AAK1: variants seen among roughly 807,000 people sequenced by gnomAD.
AAK1 encodes the protein AP2 associated kinase 1.
In AAK1, 37 loss-of-function variants were observed where a neutral mutation model predicts 116.0. The observed-to-expected ratio is 0.32, with a 90% CI of 0.25 to 0.42. The LOEUF (loss-of-function observed/expected upper bound fraction) is 0.42. AAK1 is among the 10% of genes least tolerant of loss of function. The pLI, the probability that AAK1 is intolerant of heterozygous loss-of-function variation, is 1.00. For missense variants in AAK1, 919 were observed against 1,170.6 expected (o/e 0.79, Z 3.14); for synonymous variants, 458 against 439.9 (o/e 1.04, Z -0.51).
intron 18 of AAK1, 47 bp from the exon 19 acceptor site, chr2:69,481,008 G>A (rs1266421881): frequency 7.0e-7 from 1 of 1,420,784 alleles, no homozygotes; most frequent in East Asian, 2.5e-5. Flanking sequence ...GGGAAAGGGA[G>A]TCAGAAGTTT....
At chr2:69,589,656 C>A (rs555422055) in intron 2 of AAK1, among the ~76,000 whole-genome samples, 2 of 149,788 alleles carry the variant, frequency 1.3e-5, no homozygotes, top group African/African-American at 4.9e-5. Context: ...TTGCAGTGAG[C>A]CGAGATCGCG....
At chr2:69,489,673 G>T (rs1435372009) in intron 17 of AAK1, among the ~76,000 whole-genome samples, 1 of 152,122 alleles carries the variant, frequency 6.6e-6, no homozygotes. Context: ...GAGTTGGGGT[G>T]TAAGCCCTGA....
chr2:69,505,620 G>C lies in AAK1; in HGVS notation c.2218C>G (p.Gln740Glu). ...GCAAAAGCATCACCTTGGGTTGATTGAAAGCCTGGGATCAAACTCTCAGCT... is the reference window on the plus strand; with the variant it reads ...GCAAAAGCATCACCTTGGGTTGATTCAAAGCCTGGGATCAAACTCTCAGCT... The part of the protein sequence containing the change: ...GSAESLIPGF[Q>E]STQGDAFATT... The change falls in exon 16 of 22, where the codon CAA (glutamine) becomes GAA (glutamate). Residue 740 changes from glutamine (Q) to glutamate (E), a missense_variant. Physicochemically the swap from Gln to Glu is conservative, Grantham distance 29. Around this residue, in one of 4 missense-constraint regions of AAK1, gnomAD observed 263 missense variants for 285.5 expected, o/e 0.92. Transcript: ENST00000409085. 6.2e-7 allele frequency: 1 copy of C among 1,613,782 alleles called. No homozygotes were observed. Among genetic ancestry groups the C allele is most frequent in the African/African-American group, 1.3e-5 (1 of 75,020 alleles).
chr2:69,633,420 G>A (rs183606268), intron 2 of AAK1, among the ~76,000 whole-genome samples: 1 of 151,668 alleles, frequency 6.6e-6, no homozygotes, highest in East Asian at 2.0e-4. Context: ...GGTCAACATG[G>A]TGAAACCCCA....
intron 16 of AAK1, among the ~76,000 whole-genome samples, chr2:69,501,646 G>A (rs967225244): frequency 6.6e-5 from 10 of 152,140 alleles, no homozygotes; most frequent in Non-Finnish European, 1.5e-4. Flanking sequence ...ATGTTACTAT[G>A]TGTTCCTCTT....
intron 5 of AAK1, among the ~76,000 whole-genome samples, chr2:69,535,426 A>C (rs78891445): frequency 0.02 from 2,990 of 152,318 alleles, 51 homozygotes; most frequent in Non-Finnish European, 0.033. Context: ...TCTAGGCTCT[A>C]GGGATAAGGC....
rs1572871125 is a variant in AAK1 at position 69,470,563 on chromosome 2, G to A, written c.*5306C>T. 1.0e-6 allele frequency: 1 copy of A among 985,264 alleles called. No individual in the cohort carries two copies. Among genetic ancestry groups the A allele is most frequent in the East Asian group, 1.1e-4 (1 of 8,824 alleles). 61.0% of individuals were successfully genotyped at this position (985,264 alleles called of 1,614,324 possible). The stretch of plus-strand genomic sequence containing the variant: ...ATTAAATGAGTGAGTTTTCTCACTG[G>A]GGATAAAATTATTCTTGCCAACACA... On this transcript the variant is annotated 3_prime_UTR_variant, in exon 22 of 22. Coordinates refer to ENST00000409085, the MANE Select transcript of AAK1 (RefSeq NM_014911.5).
intron 2 of AAK1, among the ~76,000 whole-genome samples, chr2:69,614,697 T>C (rs1674245187): frequency 6.6e-6 from 1 of 152,132 alleles, no homozygotes; most frequent in African/African-American, 2.4e-5. Context: ...AAAGAGTCTT[T>C]GTAGGTGTAA....
At chr2:69,544,678 A>C (rs536552048) in intron 3 of AAK1, 134 bp from the exon 4 acceptor site, 22 of 655,888 alleles carry the variant, frequency 3.4e-5, no homozygotes, top group Non-Finnish European at 5.8e-5. Flanking sequence ...TAAGGAGCAA[A>C]GTCAAGAACA....
intron 8 of AAK1, among the ~76,000 whole-genome samples, chr2:69,529,174 T>G (rs1015791364): frequency 2.5e-4 from 38 of 152,326 alleles, no homozygotes; most frequent in African/African-American, 8.4e-4. Flanking sequence ...AAGAATTAAA[T>G]GAGGTATAAG....
intron 13 of AAK1, among the ~76,000 whole-genome samples, chr2:69,510,860 G>T (rs1310944743): frequency 6.6e-6 from 1 of 151,514 alleles, no homozygotes; most frequent in Non-Finnish European, 1.5e-5. Flanking sequence ...GAAGAAGAAA[G>T]AAAAAAAAGG....
chr2:69,574,482 G>T (rs6737529), intron 2 of AAK1, among the ~76,000 whole-genome samples: 1,823 of 151,930 alleles, frequency 0.012, 33 homozygotes, highest in African/African-American at 0.042. Flanking sequence ...TGAGGCAGGA[G>T]GATCGCTGGA....
chr2:69,562,260 T>C (rs1438356495), intron 2 of AAK1, among the ~76,000 whole-genome samples: 1 of 152,240 alleles, frequency 6.6e-6, no homozygotes. Context: ...TTTTTCATTT[T>C]AGCTATTCTA....
intron 2 of AAK1, among the ~76,000 whole-genome samples, chr2:69,613,093 G>T (rs921982058): frequency 6.6e-6 from 1 of 152,188 alleles, no homozygotes; most frequent in Non-Finnish European, 1.5e-5. Context: ...CTTTAAGACA[G>T]GCATCTTGTC....
rs200285947 is a variant in AAK1 at position 69,490,653 on chromosome 2, TG to T, written c.2365+5331del. Among the ~76,000 whole-genome samples, 726 of 148,814 alleles carry T rather than the reference TG, an allele frequency of 4.9e-3. 17 individuals are homozygous for T. Among genetic ancestry groups the T allele is most frequent in the Admixed American group, 0.013 (187 of 14,826 alleles). The stretch of plus-strand genomic sequence containing the variant: ...AAATAGAGTGGTGGTTGCCAGGGGC[TG>T]GGGGGAGGGGAAATAGAGAGTTGTT... On this transcript the variant is annotated intron_variant, in intron 17 of 21. Transcript: ENST00000409085.
chr2:69,475,709 C>A lies in AAK1; in HGVS notation c.*160G>T. On this transcript the variant is annotated 3_prime_UTR_variant, in exon 22 of 22. Coordinates refer to ENST00000409085, the MANE Select transcript of AAK1 (RefSeq NM_014911.5). Reference sequence around the variant, plus strand: ...TGGAGGGCCAAAGTGATTTTCTTTCCTTATCATTTCTACAGGAGAAGGCAA... The same window carrying A: ...TGGAGGGCCAAAGTGATTTTCTTTCATTATCATTTCTACAGGAGAAGGCAA... 1 of 1,392,878 alleles carries A rather than the reference C, an allele frequency of 7.2e-7. No homozygotes were observed. The highest frequency in any genetic ancestry group is 9.3e-7 in the Non-Finnish European group (1 of 1,073,298). The allele number at this position is 1,392,878 out of a possible 1,614,324, so 86.3% of individuals were successfully genotyped here. A position where few individuals can be genotyped will look rare whatever the true frequency, so the allele number is the denominator to read the frequency against.
In AAK1 at chr2:69,587,502, G is replaced by C. The variant is rs375539938; in HGVS notation, c.164-30524C>G. 8.1e-4 allele frequency among the ~76,000 whole-genome samples: 122 copies of C among 150,418 alleles called. 1 individual carries two copies. Among genetic ancestry groups the C allele is most frequent in the African/African-American group, 2.8e-3 (116 of 40,716 alleles). ...ATTTTTTTGATGTCGTTTCGCTCTT[G>C]TTGCCCAGGCTGGAGTGCAGTGGCG... is the stretch of plus-strand genomic sequence containing the variant. On this transcript the variant is annotated intron_variant, in intron 2 of 21. Transcript: ENST00000409085.
At chr2:69,615,518 C>A (rs926156658) in intron 2 of AAK1, among the ~76,000 whole-genome samples, 9 of 152,212 alleles carry the variant, frequency 5.9e-5, no homozygotes, top group Admixed American at 1.3e-4. Flanking sequence ...CTGGGAGGAC[C>A]TCCCCAATCC....
intron 2 of AAK1, among the ~76,000 whole-genome samples, chr2:69,575,745 G>C (rs1180597171): frequency 1.3e-5 from 2 of 152,146 alleles, no homozygotes; most frequent in African/African-American, 2.4e-5. Context: ...TAGGATTACA[G>C]GCGTGAGACA....
Sources: allele counts gnomAD v4.1 joint callset (sites outside exome capture counted in the v4.1 genomes callset), GRCh38; gene constraint gnomAD v4.1.1; regional missense constraint gnomAD v4.1.1; transcripts MANE v1.5; gene names NCBI Gene and HGNC (gene_info 2026-07-23, HGNC 2026-07-21).